The following MYO5B variants were observed in gnomAD, a reference collection of about 807,000 sequenced individuals.
MYO5B encodes the protein myosin VB.
Under a neutral mutation model 229.3 loss-of-function variants are expected in MYO5B, and 143 were observed. The observed-to-expected ratio is 0.62, with a 90% CI of 0.54 to 0.72. The LOEUF is 0.72. Ranked by LOEUF, MYO5B falls within the 30% of genes least tolerant of loss-of-function variation. The pLI, the probability that MYO5B is intolerant of heterozygous loss-of-function variation, is 0.00. For missense variants in MYO5B, 2,321 were observed against 2,331.0 expected (o/e 1.00, Z 0.09); for synonymous variants, 918 against 885.2 (o/e 1.04, Z -0.66).
chr18:49,912,209 C>A, intron 17 of MYO5B, 36 bp from the exon 18 acceptor site: 1 of 1,539,342 alleles, frequency 6.5e-7, no homozygotes, highest in Non-Finnish European at 9.0e-7. Flanking sequence ...GGTGACACAT[C>A]CTGCCTCTTG....
intron 8 of MYO5B, among the ~76,000 whole-genome samples, chr18:49,981,490 T>C (rs532363023): frequency 6.6e-6 from 1 of 152,352 alleles, no homozygotes; most frequent in South Asian, 2.1e-4. Flanking sequence ...CAAGCAACAT[T>C]AACTCTAGGC....
intron 22 of MYO5B, among the ~76,000 whole-genome samples, chr18:49,881,467 T>C (rs2144109342): frequency 6.6e-6 from 1 of 152,204 alleles, no homozygotes; most frequent in East Asian, 1.9e-4. Context: ...AAAATACTAA[T>C]TAAACAAAAA....
chr18:50,051,011 G>C (rs968171815), intron 2 of MYO5B, among the ~76,000 whole-genome samples: 2 of 152,154 alleles, frequency 1.3e-5, no homozygotes, highest in African/African-American at 4.8e-5. Context: ...TTGCAATACT[G>C]AACAATTCAT....
At chr18:50,087,640 G>A (rs1398004723) in intron 1 of MYO5B, among the ~76,000 whole-genome samples, 10 of 151,516 alleles carry the variant, frequency 6.6e-5, no homozygotes, top group African/African-American at 1.9e-4. Flanking sequence ...ATGTTTAACC[G>A]CCTGTGTCTG....
At chr18:49,858,903 G>A (rs1011503688) in intron 29 of MYO5B, among the ~76,000 whole-genome samples, 7 of 152,156 alleles carry the variant, frequency 4.6e-5, no homozygotes, top group African/African-American at 9.7e-5. Flanking sequence ...TATGGGCCAA[G>A]GCCAGGGAGG....
In MYO5B at chr18:49,853,656, G is replaced by C. The variant is rs1307224143; in HGVS notation, c.4023-9C>G. On this transcript the variant is annotated splice_polypyrimidine_tract_variant and intron_variant, in intron 30 of 39. Transcript: ENST00000285039. ...GCTGAGCCTCCAGCAGCCTGTGCCA[G>C]GGAGAGGACAGGTGAGCACGTGGCC... 1 of 1,610,820 alleles carries C rather than the reference G, an allele frequency of 6.2e-7. No individual in the cohort carries two copies. The highest frequency in any genetic ancestry group is 1.7e-5 in the Admixed American group (1 of 59,964).
chr18:50,033,612 G>C (rs758634221), intron 4 of MYO5B, among the ~76,000 whole-genome samples: 1 of 152,124 alleles, frequency 6.6e-6, no homozygotes, highest in Admixed American at 6.5e-5. Flanking sequence ...AGCTGAGGAA[G>C]GTAAAAATGA....
At chr18:50,107,599 G>C (rs2031785696) in intron 1 of MYO5B, among the ~76,000 whole-genome samples, 1 of 152,174 alleles carries the variant, frequency 6.6e-6, no homozygotes, top group Admixed American at 6.5e-5. Context: ...ACTGGCTCCA[G>C]CCACACAGCC....
chr18:49,974,396 T>C lies in MYO5B; in HGVS notation c.1276A>G (p.Thr426Ala), dbSNP rs1159600004. Residue 426 changes from threonine (T) to alanine (A), a missense_variant, in exon 10 of 40, where the codon ACC (threonine) becomes GCC (alanine). Physicochemically the swap from Thr to Ala is moderately conservative, Grantham distance 58 (BLOSUM62 0). Transcript: ENST00000285039. ...IVEHINKALH[T>A]SLKQHSFIGV... ...ATGAAGGAGTGCTGCTTGAGGGAGG[T>C]GTGCAGGGCCTTGTTGATGTGCTCC... The C allele has an allele frequency of 1.2e-6, 2 of 1,613,962 alleles. No individual in the cohort carries two copies. Among genetic ancestry groups the C allele is most frequent in the Admixed American group, 3.3e-5 (2 of 60,006 alleles).
chr18:50,045,275 C>T (rs1038849442), intron 2 of MYO5B, among the ~76,000 whole-genome samples: 3 of 152,156 alleles, frequency 2.0e-5, no homozygotes, highest in African/African-American at 7.2e-5. Flanking sequence ...ACATGGCTTA[C>T]AGATGAGGCT....
In MYO5B at chr18:49,954,373, C is replaced by G. The variant is rs747494839; in HGVS notation, c.1608G>C (p.Gln536His). 1 of 1,614,040 alleles carries G rather than the reference C, an allele frequency of 6.2e-7. No homozygotes were observed. The highest frequency in any genetic ancestry group is 8.5e-7 in the Non-Finnish European group (1 of 1,179,984). Residue 536 changes from glutamine (Q) to histidine (H), a missense_variant, in exon 13 of 40, where the codon CAG becomes CAC. Around this residue, in one of 2 missense-constraint regions of MYO5B, gnomAD observed 2,113 missense variants for 2,044.7 expected, o/e 1.03. Coordinates refer to ENST00000285039, the MANE Select transcript of MYO5B (RefSeq NM_001080467.3). The part of the protein sequence containing the change: ...QKLYDRHSSS[Q>H]HFQKPRMSNT... ...TGGACATGCGGGGCTTCTGGAAGTG[C>G]TGGCTGCTGGAGTGCCGGTCATAGA...
chr18:49,957,142 CAAAAAAAAAAAA>C (rs71169467), intron 12 of MYO5B, among the ~76,000 whole-genome samples: 1 of 58,736 alleles, frequency 1.7e-5, no homozygotes, highest in Non-Finnish European at 2.9e-5. Context: ...AATAAAGTAG[CAAAAAAAAAAAA>C]AAAAAAAAAA....
intron 1 of MYO5B, among the ~76,000 whole-genome samples, chr18:50,120,982 C>T (rs1352516624): frequency 3.3e-5 from 5 of 152,156 alleles, no homozygotes; most frequent in Non-Finnish European, 7.3e-5. Flanking sequence ...CCCTCCAGCC[C>T]GGGAGTCAGC....
chr18:50,120,478 C>T (rs1161257525), intron 1 of MYO5B, among the ~76,000 whole-genome samples: 5 of 152,274 alleles, frequency 3.3e-5, no homozygotes, highest in Non-Finnish European at 7.4e-5. Context: ...GAGGTCTCAA[C>T]GGGCCATGTC....
intron 2 of MYO5B, among the ~76,000 whole-genome samples, chr18:50,043,896 A>G (rs2030143894): frequency 6.6e-6 from 1 of 151,840 alleles, no homozygotes; most frequent in South Asian, 2.1e-4. Flanking sequence ...CTTAGGGGAA[A>G]AGGAGTGAGG....
At chr18:49,913,297 G>A (rs1351370331) in intron 17 of MYO5B, among the ~76,000 whole-genome samples, 1 of 152,176 alleles carries the variant, frequency 6.6e-6, no homozygotes, top group East Asian at 1.9e-4. Context: ...GGTAGGGTCT[G>A]TCCCTTTCTC....
chr18:49,845,432 G>A (rs546023730), intron 33 of MYO5B, among the ~76,000 whole-genome samples: 5 of 152,230 alleles, frequency 3.3e-5, no homozygotes, highest in Admixed American at 2.6e-4. Context: ...CAGCAGAGTC[G>A]GACTTCAGTC....
At chr18:50,095,393 GACTGAAGCAAGATCTC>G (rs1394520402) in intron 1 of MYO5B, among the ~76,000 whole-genome samples, 1 of 152,172 alleles carries the variant, frequency 6.6e-6, no homozygotes, top group East Asian at 1.9e-4. Context: ...GCATTCAAGG[GACTGAAGCAAGATCTC>G]ATAAAACTAA....
intron 1 of MYO5B, among the ~76,000 whole-genome samples, chr18:50,072,414 T>A (rs751356575): frequency 7.2e-5 from 11 of 152,058 alleles, no homozygotes; most frequent in Non-Finnish European, 1.2e-4. Flanking sequence ...GGGAAGGGCA[T>A]CACATTCAGG....
Sources: allele counts gnomAD v4.1 joint callset (sites outside exome capture counted in the v4.1 genomes callset), GRCh38; gene constraint gnomAD v4.1.1; regional missense constraint gnomAD v4.1.1; transcripts MANE v1.5; gene names NCBI Gene and HGNC (gene_info 2026-07-23, HGNC 2026-07-21).